PTPRR: variants seen among roughly 807,000 people sequenced by gnomAD.
PTPRR encodes the protein receptor-type tyrosine-protein phosphatase R.
Under a neutral mutation model 77.2 loss-of-function variants are expected in PTPRR, and 38 were observed. The ratio of observed to expected loss-of-function variants is 0.49; its 90% confidence interval spans 0.38 to 0.65. PTPRR has a LOEUF of 0.65. PTPRR is among the 30% of genes least tolerant of loss of function. The pLI, the probability that PTPRR is intolerant of heterozygous loss-of-function variation, is 0.00. For missense variants in PTPRR, 744 were observed against 799.2 expected, an observed-to-expected ratio of 0.93 and a Z score of 0.83; for synonymous variants, 299 against 283.1, an observed-to-expected ratio of 1.06 and a Z score of -0.57.
chr12:70,709,255 A>G (rs761689591), intron 6 of PTPRR, among the ~76,000 whole-genome samples: 1 of 152,064 alleles, frequency 6.6e-6, no homozygotes, highest in Admixed American at 6.6e-5. Context: ...AGAAAAGAAT[A>G]AAATTCAACA....
intron 5 of PTPRR, among the ~76,000 whole-genome samples, chr12:70,752,068 T>C (rs1890417866): frequency 6.6e-6 from 1 of 152,222 alleles, no homozygotes; most frequent in African/African-American, 2.4e-5. Flanking sequence ...GAATGTCATA[T>C]AGTTGGACTC....
chr12:70,707,024 A>G (rs888465590), intron 6 of PTPRR, among the ~76,000 whole-genome samples: 1 of 152,132 alleles, frequency 6.6e-6, no homozygotes, highest in Non-Finnish European at 1.5e-5. Context: ...TGGGAGCTAC[A>G]TGAGTACACA....
At chr12:70,676,057 CCTAT>C (rs1887434380) in intron 10 of PTPRR, among the ~76,000 whole-genome samples, 1 of 151,618 alleles carries the variant, frequency 6.6e-6, no homozygotes. Context: ...TTGGAAAATC[CCTAT>C]CTATTATTTC....
intron 2 of PTPRR, among the ~76,000 whole-genome samples, chr12:70,807,965 G>T (rs888209477): frequency 6.6e-6 from 1 of 152,150 alleles, no homozygotes; most frequent in South Asian, 2.1e-4. Flanking sequence ...CTGTGGGCTG[G>T]GCAGGACAGA....
At chr12:70,669,533 C>T (rs79492035) in intron 10 of PTPRR, among the ~76,000 whole-genome samples, 14,863 of 146,802 alleles carry the variant, frequency 0.1, 1,119 homozygotes, top group Admixed American at 0.19. Flanking sequence ...TATATATATA[C>T]ACACAAGCCA....
chr12:70,757,464 C>A (rs934724834), intron 4 of PTPRR, among the ~76,000 whole-genome samples: 1 of 152,076 alleles, frequency 6.6e-6, no homozygotes, highest in South Asian at 2.1e-4. Flanking sequence ...CTAGTTTTAT[C>A]TATATGAGTG....
intron 6 of PTPRR, among the ~76,000 whole-genome samples, chr12:70,718,702 A>T (rs1392787886): frequency 6.6e-6 from 1 of 152,232 alleles, no homozygotes; most frequent in African/African-American, 2.4e-5. Flanking sequence ...TTCATGCTAA[A>T]AATAGTTTTC....
At chr12:70,900,724 A>G (rs1032016311) in intron 1 of PTPRR, among the ~76,000 whole-genome samples, 5 of 151,674 alleles carry the variant, frequency 3.3e-5, no homozygotes, top group African/African-American at 1.2e-4. Context: ...ATTTGAACAG[A>G]TATTTCTGAA....
intron 2 of PTPRR, among the ~76,000 whole-genome samples, chr12:70,856,370 C>T (rs891786343): frequency 1.3e-5 from 2 of 152,054 alleles, no homozygotes; most frequent in Non-Finnish European, 2.9e-5. Context: ...GCCAGGCTGG[C>T]AGATGCAGTG....
chr12:70,887,722 A>C (rs1044626070), intron 2 of PTPRR, among the ~76,000 whole-genome samples: 1 of 152,090 alleles, frequency 6.6e-6, no homozygotes, highest in Non-Finnish European at 1.5e-5. Context: ...AGGAAGAGAG[A>C]AGGCCAGAGC....
chr12:70,769,695 T>C (rs1311684763), intron 2 of PTPRR, among the ~76,000 whole-genome samples: 1 of 151,808 alleles, frequency 6.6e-6, no homozygotes, highest in Non-Finnish European at 1.5e-5. Flanking sequence ...AGAGCCCGCA[T>C]CACCAAGTCA....
chr12:70,915,755 A>G lies in PTPRR; in HGVS notation c.58+4578T>C, dbSNP rs186541679. On this transcript the variant is annotated intron_variant, in intron 1 of 13. Transcript: ENST00000283228. Reference sequence around the variant, plus strand: ...GTGTTTTGGGGGCATGTGAGGCAACATGAGTTTTGGACAAATGAGCTGTTT... The same window carrying G: ...GTGTTTTGGGGGCATGTGAGGCAACGTGAGTTTTGGACAAATGAGCTGTTT... Among the ~76,000 whole-genome samples the G allele has an allele frequency of 2.4e-3, 364 of 152,324 alleles. 3 individuals carry two copies. The highest frequency in any genetic ancestry group is 4.1e-3 in the Admixed American group (62 of 15,296).
At chr12:70,727,141 T>C (rs1444570481) in intron 6 of PTPRR, among the ~76,000 whole-genome samples, 2 of 152,142 alleles carry the variant, frequency 1.3e-5, no homozygotes, top group Non-Finnish European at 1.5e-5. Context: ...AATCTTGAAA[T>C]TGTCTCACAA....
intron 2 of PTPRR, among the ~76,000 whole-genome samples, chr12:70,862,922 T>C (rs1892778975): frequency 6.6e-6 from 1 of 152,138 alleles, no homozygotes; most frequent in African/African-American, 2.4e-5. Context: ...GCCTCTCATT[T>C]GGAATCTAAA....
At chr12:70,833,216 A>C (rs1422929128) in intron 2 of PTPRR, among the ~76,000 whole-genome samples, 1 of 152,122 alleles carries the variant, frequency 6.6e-6, no homozygotes, top group Non-Finnish European at 1.5e-5. Context: ...GCAGGAAAAG[A>C]AGCAGGACAT....
At chr12:70,702,284 T>A (rs566353032) in intron 6 of PTPRR, among the ~76,000 whole-genome samples, 3 of 152,038 alleles carry the variant, frequency 2.0e-5, no homozygotes, top group South Asian at 4.1e-4. Flanking sequence ...GGGGTAACTA[T>A]GAAATAGCAT....
rs1291349458 is a variant in PTPRR, at chr12:70,774,593, T to C, written c.358-9815A>G. On this transcript the variant is annotated intron_variant, in intron 2 of 13. Transcript: ENST00000283228. ...GGTTCATTGCATCAAAACATTTGAA[T>C]GATTTTCCTCAGTTCTCTGCTTGTC... Among the ~76,000 whole-genome samples, 9 of 151,432 alleles carry C rather than the reference T, an allele frequency of 5.9e-5. No homozygotes were observed. In the East Asian group the frequency reaches 1.2e-3, roughly 19 times the overall value.
chr12:70,745,297 G>A (rs534874869), intron 6 of PTPRR, among the ~76,000 whole-genome samples: 22 of 152,248 alleles, frequency 1.4e-4, no homozygotes, highest in African/African-American at 5.1e-4. Flanking sequence ...CAAAGTACTT[G>A]GATTATAGGC....
At chr12:70,788,995 C>G (rs907959841) in intron 2 of PTPRR, 3 of 861,834 alleles carry the variant, frequency 3.5e-6, no homozygotes, top group Non-Finnish European at 4.9e-6. Flanking sequence ...AGAGACACTG[C>G]GGATCCCAGG....
Sources: gnomAD v4.1 joint callset for allele counts (sites outside exome capture counted in the v4.1 genomes callset) on GRCh38, gnomAD v4.1.1 for gene constraint, MANE v1.5 for transcripts, NCBI Gene and HGNC (gene_info 2026-07-23, HGNC 2026-07-21) for gene names.